Variants in PAK5 observed in about 807,000 individuals in gnomAD.
PAK5 encodes the protein p21 (RAC1) activated kinase 5, also known as serine/threonine-protein kinase PAK 5.
Under a neutral mutation model 65.9 loss-of-function variants are expected in PAK5, and 16 were observed. That is an observed-to-expected ratio of 0.24 (90% confidence interval 0.16 to 0.37). The LOEUF is 0.37. PAK5 is among the 10% of genes least tolerant of loss of function. The probability of loss-of-function intolerance (pLI) is 1.00; values close to 1 mark genes in which losing one functional copy is unlikely to be tolerated. For synonymous variants in PAK5, 371 were observed against 354.9 expected (o/e 1.05, Z -0.51); for missense variants, 785 against 903.9 (o/e 0.87, Z 1.69).
At chr20:9,656,197 AAG>A (rs1288774790) in intron 2 of PAK5, among the ~76,000 whole-genome samples, 1 of 152,204 alleles carries the variant, frequency 6.6e-6, no homozygotes, top group Admixed American at 6.5e-5. Context: ...AGCAAGCCGT[AAG>A]CCCCTTAATT....
At chr20:9,645,459 ATT>A (rs2047121479) in intron 2 of PAK5, among the ~76,000 whole-genome samples, 1 of 152,198 alleles carries the variant, frequency 6.6e-6, no homozygotes, top group Admixed American at 6.5e-5. Context: ...AACAATCATC[ATT>A]TTGGGAATCC....
intron 3 of PAK5, among the ~76,000 whole-genome samples, chr20:9,620,442 G>T (rs926757698): frequency 3.9e-5 from 6 of 152,210 alleles, no homozygotes; most frequent in African/African-American, 1.4e-4. Flanking sequence ...CAACTCCAGG[G>T]TGTCCACTTC....
chr20:9,629,848 T>C (rs2046899065), intron 3 of PAK5, among the ~76,000 whole-genome samples: 1 of 152,068 alleles, frequency 6.6e-6, no homozygotes, highest in Non-Finnish European at 1.5e-5. Flanking sequence ...TTGAGGAACA[T>C]GGTAGAAAAA....
chr20:9,669,790 A>T (rs1043076234), intron 2 of PAK5, among the ~76,000 whole-genome samples: 1 of 152,028 alleles, frequency 6.6e-6, no homozygotes, highest in Admixed American at 6.6e-5. Flanking sequence ...TTATTATTAT[A>T]CTTTAAGTTT....
chr20:9,792,725 A>G (rs2049062791), intron 1 of PAK5, among the ~76,000 whole-genome samples: 1 of 152,148 alleles, frequency 6.6e-6, no homozygotes, highest in Admixed American at 6.6e-5. Context: ...CTGATATTCC[A>G]TTTATATTTT....
intron 2 of PAK5, among the ~76,000 whole-genome samples, chr20:9,650,644 T>C (rs1252156130): frequency 6.6e-6 from 1 of 152,192 alleles, no homozygotes; most frequent in Non-Finnish European, 1.5e-5. Flanking sequence ...TGGGTATTCC[T>C]ACATTTTTTA....
At chr20:9,767,101 C>A (rs977585718) in intron 1 of PAK5, among the ~76,000 whole-genome samples, 2 of 152,064 alleles carry the variant, frequency 1.3e-5, no homozygotes, top group African/African-American at 2.4e-5. Flanking sequence ...AAGGCTGAAC[C>A]ACTGCACCAA....
At chr20:9,563,148 G>T in intron 5 of PAK5, 124 bp from the exon 6 acceptor site, 1 of 865,714 alleles carries the variant, frequency 1.2e-6, no homozygotes, top group Non-Finnish European at 1.9e-6. Flanking sequence ...AGTTTATTCA[G>T]AAAATCTATT....
chr20:9,817,846 A>G (rs933825856), intron 1 of PAK5, among the ~76,000 whole-genome samples: 4 of 152,278 alleles, frequency 2.6e-5, no homozygotes, highest in South Asian at 2.1e-4. Flanking sequence ...AAAGCTATCA[A>G]TTCTCAGTTA....
intron 4 of PAK5, among the ~76,000 whole-genome samples, chr20:9,567,762 T>A (rs1159960732): frequency 6.6e-6 from 1 of 152,194 alleles, no homozygotes; most frequent in East Asian, 1.9e-4. Flanking sequence ...AAATAGATAA[T>A]AATAAAGAAA....
chr20:9,660,375 T>G (rs2047328383), intron 2 of PAK5, among the ~76,000 whole-genome samples: 1 of 129,478 alleles, frequency 7.7e-6, no homozygotes, highest in Non-Finnish European at 1.7e-5. Context: ...TCTCCATCTT[T>G]TCTTTGACAA....
chr20:9,811,415 GT>G (rs1284413067), intron 1 of PAK5, among the ~76,000 whole-genome samples: 6 of 152,134 alleles, frequency 3.9e-5, no homozygotes, highest in African/African-American at 1.4e-4. Flanking sequence ...CTTTTGGTTT[GT>G]TTTGGTTTTT....
rs371239732 is a variant in PAK5 at position 9,830,351 on chromosome 20, C to T, written c.-162+8411G>A. On this transcript the variant is annotated intron_variant, in intron 1 of 9. Transcript: ENST00000353224. ...GTTAAGTTACCTGGACAGCCACAGA[C>T]ATTTCCTATTTATCATGAGAACTGC... 1.1e-4 allele frequency among the ~76,000 whole-genome samples: 16 copies of T among 152,316 alleles called. 1 individual carries two copies. Among genetic ancestry groups the T allele is most frequent in the East Asian group, 3.9e-4 (2 of 5,182 alleles).
intron 1 of PAK5, among the ~76,000 whole-genome samples, chr20:9,749,621 G>C (rs568853056): frequency 1.3e-5 from 2 of 152,248 alleles, no homozygotes; most frequent in East Asian, 3.9e-4. Context: ...TCCATAGATT[G>C]ATGTAATCAC....
chr20:9,673,921 G>C lies in PAK5; in HGVS notation c.-11-29582C>G, dbSNP rs11696701. 2.7e-3 allele frequency among the ~76,000 whole-genome samples: 417 copies of C among 152,272 alleles called. 3 individuals carry two copies. The highest frequency in any genetic ancestry group is 4.6e-3 in the Non-Finnish European group (316 of 68,024). On this transcript the variant is annotated intron_variant, in intron 2 of 9. Coordinates refer to ENST00000353224, the MANE Select transcript of PAK5 (RefSeq NM_177990.4). Reference sequence around the variant, plus strand: ...GTCTGCTCATAAGCTGCCCAATAAGGAGCTTAAAATCTGGTGAGAAAAGTT... The same window carrying C: ...GTCTGCTCATAAGCTGCCCAATAAGCAGCTTAAAATCTGGTGAGAAAAGTT...
intron 1 of PAK5, among the ~76,000 whole-genome samples, chr20:9,758,930 G>A (rs546523812): frequency 6.6e-6 from 1 of 152,052 alleles, no homozygotes; most frequent in Non-Finnish European, 1.5e-5. Flanking sequence ...AGGCTCTGGG[G>A]CTCAGGTTTC....
intron 1 of PAK5, among the ~76,000 whole-genome samples, chr20:9,730,035 T>C (rs2048319572): frequency 2.3e-5 from 2 of 86,224 alleles, no homozygotes; most frequent in African/African-American, 7.4e-5. Flanking sequence ...GAGAGAGAAT[T>C]GTCTCGAAAA....
chr20:9,686,495 A>C (rs1435490899), intron 2 of PAK5, among the ~76,000 whole-genome samples: 1 of 152,128 alleles, frequency 6.6e-6, no homozygotes, highest in African/African-American at 2.4e-5. Context: ...TCCTGGGATC[A>C]GGCAATCCTC....
chr20:9,790,882 C>A (rs534365802), intron 1 of PAK5, among the ~76,000 whole-genome samples: 1 of 152,240 alleles, frequency 6.6e-6, no homozygotes, highest in Non-Finnish European at 1.5e-5. Flanking sequence ...ATATCTCACT[C>A]TGTACCATAC....
Sources: gnomAD v4.1 joint callset for allele counts (sites outside exome capture counted in the v4.1 genomes callset) on GRCh38, gnomAD v4.1.1 for gene constraint, MANE v1.5 for transcripts, NCBI Gene and HGNC (gene_info 2026-07-23, HGNC 2026-07-21) for gene names.